ARHGEF3: variants seen among roughly 807,000 people sequenced by gnomAD.
ARHGEF3 encodes the protein Rho guanine nucleotide exchange factor 3, also known as 59.8 kDA protein.
In ARHGEF3, 28 loss-of-function variants were observed where a neutral mutation model predicts 63.2. The observed-to-expected ratio is 0.44, with a 90% CI of 0.33 to 0.61. The LOEUF (loss-of-function observed/expected upper bound fraction) is 0.61, where lower values mean the gene tolerates loss of function less well. ARHGEF3 is among the 20% of genes least tolerant of loss of function. The pLI, the probability that ARHGEF3 is intolerant of heterozygous loss-of-function variation, is 0.03. For missense variants in ARHGEF3, 533 were observed against 659.3 expected (o/e 0.81, Z 2.10); for synonymous variants, 266 against 254.2 (o/e 1.05, Z -0.44).
At chr3:57,046,947 A>G (rs1704478141) in intron 1 of ARHGEF3, among the ~76,000 whole-genome samples, 1 of 152,234 alleles carries the variant, frequency 6.6e-6, no homozygotes, top group South Asian at 2.1e-4. Context: ...ATGTGATTCC[A>G]TAATACCATA....
intron 1 of ARHGEF3, among the ~76,000 whole-genome samples, chr3:56,774,216 A>G (rs141430358): frequency 1.3e-5 from 2 of 152,242 alleles, no homozygotes; most frequent in African/African-American, 2.4e-5. Context: ...TCATCTCTTT[A>G]AAAACCTTTT....
chr3:57,008,718 C>A (rs955763891), intron 2 of ARHGEF3, among the ~76,000 whole-genome samples: 2 of 152,078 alleles, frequency 1.3e-5, no homozygotes, highest in African/African-American at 4.8e-5. Flanking sequence ...CTGATCCACC[C>A]ACCTCAGCCT....
rs1001283927 is a variant in ARHGEF3, at chr3:56,961,154, A to G, written c.63-2265T>C. 3.3e-5 allele frequency among the ~76,000 whole-genome samples: 4 copies of G among 119,616 alleles called. No homozygotes were observed. The Admixed American group carries it at 4.2e-4, about 13-fold the overall frequency. The allele number at this position is 119,616 out of a possible 152,430, so 78.5% of individuals were successfully genotyped here. The stretch of plus-strand genomic sequence containing the variant: ...AAGGTAGCTTATTATGTTATAATGT[A>G]AATACATGACATACAGACAGCATTA... On this transcript the variant is annotated intron_variant, in intron 2 of 12. Transcript: ENST00000338458.
At chr3:56,965,096 T>G (rs529860144) in intron 2 of ARHGEF3, among the ~76,000 whole-genome samples, 1 of 151,812 alleles carries the variant, frequency 6.6e-6, no homozygotes, top group African/African-American at 2.4e-5. Context: ...ACAAAAAAAA[T>G]TTTTTTTAAT....
intron 3 of ARHGEF3, among the ~76,000 whole-genome samples, chr3:56,937,604 T>A (rs1029959159): frequency 1.3e-5 from 2 of 152,200 alleles, no homozygotes; most frequent in African/African-American, 4.8e-5. Flanking sequence ...AAGGCAGACA[T>A]CCCTTCTCCC....
intron 3 of ARHGEF3, among the ~76,000 whole-genome samples, chr3:56,913,599 G>A (rs997591960): frequency 2.0e-5 from 3 of 152,128 alleles, no homozygotes; most frequent in Non-Finnish European, 4.4e-5. Flanking sequence ...ACAGTATGGC[G>A]GTTACTCAAA....
chr3:57,000,646 C>T lies in ARHGEF3; in HGVS notation c.62+34442G>A, dbSNP rs1043531921. Among the ~76,000 whole-genome samples, 6 of 152,176 alleles carry T rather than the reference C, an allele frequency of 3.9e-5. No homozygotes were observed. The South Asian group carries it at 1.2e-3, about 32-fold the overall frequency. On this transcript the variant is annotated intron_variant, in intron 2 of 12. Transcript: ENST00000338458. ...CTCCCGGGTTCAAGTGATTCTCCTGCCTCAGGCTCCAGAGTAGCTGGGACT... is the reference window on the plus strand; with the variant it reads ...CTCCCGGGTTCAAGTGATTCTCCTGTCTCAGGCTCCAGAGTAGCTGGGACT...
At chr3:56,733,914 G>A (rs1044536091) in intron 8 of ARHGEF3, among the ~76,000 whole-genome samples, 1 of 150,714 alleles carries the variant, frequency 6.6e-6, no homozygotes, top group African/African-American at 2.4e-5. Context: ...AACCCAGGAG[G>A]TGGAGGTTGC....
At chr3:56,844,518 TAAAAC>T (rs1211075677) in intron 4 of ARHGEF3, among the ~76,000 whole-genome samples, 1 of 152,016 alleles carries the variant, frequency 6.6e-6, no homozygotes, top group African/African-American at 2.4e-5. Flanking sequence ...TTTAATAAAA[TAAAAC>T]AAAATTAAAA....
At position 56,928,074 on chromosome 3, in the gene ARHGEF3, G is replaced by A. The variant is rs2042320701; in HGVS notation, c.129+30749C>T. On this transcript the variant is annotated intron_variant, in intron 3 of 12. Coordinates refer to the ARHGEF3 transcript ENST00000338458. Reference sequence around the variant, plus strand: ...TCTGCAGACACATGCAGCATGAGAAGGATGCACCAAAGCTCTTCAGAGCAG... The same window carrying A: ...TCTGCAGACACATGCAGCATGAGAAAGATGCACCAAAGCTCTTCAGAGCAG... Among the ~76,000 whole-genome samples, 3 of 152,152 alleles carry A rather than the reference G, an allele frequency of 2.0e-5. No individual in the cohort carries two copies. In the South Asian group the frequency reaches 6.2e-4, roughly 32 times the overall value.
chr3:57,018,850 G>A (rs1389101610), intron 2 of ARHGEF3, among the ~76,000 whole-genome samples: 1 of 152,142 alleles, frequency 6.6e-6, no homozygotes, highest in Non-Finnish European at 1.5e-5. Context: ...TGAAGACATC[G>A]AGCTTCAGGG....
At chr3:56,981,775 G>A (rs898251278) in intron 2 of ARHGEF3, among the ~76,000 whole-genome samples, 1 of 152,198 alleles carries the variant, frequency 6.6e-6, no homozygotes, top group East Asian at 1.9e-4. Context: ...CCTGTTTTCA[G>A]GCTGTTTTTT....
At chr3:56,765,749 T>C (rs940824056) in intron 2 of ARHGEF3, among the ~76,000 whole-genome samples, 3 of 152,150 alleles carry the variant, frequency 2.0e-5, no homozygotes, top group African/African-American at 7.2e-5. Context: ...CTCAGGCCAT[T>C]GCTAAACTCT....
Position 56,729,312 on chromosome 3 carries a change from G to A in ARHGEF3, c.1539C>T (p.Asp513=), listed in dbSNP as rs751284919. ...CGTGCCTGCTGTTTCCACAGGAAGA[G>A]TCTGTCTGTTCCATGCGCTCACAGT... is the stretch of plus-strand genomic sequence containing the variant. The part of the protein sequence containing the change: ...SLDCERMEQT[D]SSCGNSRHGE... Residue 513 remains aspartate, a synonymous_variant, in exon 10 of 10, where the codon GAC becomes GAT. Transcript: ENST00000296315. The A allele has an allele frequency of 9.3e-6, 15 of 1,613,954 alleles. No homozygotes were observed. The highest frequency in any genetic ancestry group is 1.1e-5 in the South Asian group (1 of 91,066).
In ARHGEF3 at chr3:56,844,425, T is replaced by C. The variant is rs183995036; in HGVS notation, c.192+37867A>G. Among the ~76,000 whole-genome samples the C allele has an allele frequency of 3.7e-3, 571 of 152,324 alleles. 5 individuals carry two copies. Among genetic ancestry groups the C allele is most frequent in the African/African-American group, 0.013 (537 of 41,566 alleles). ...AAAACTAAGCATATTGTCTGGAATC[T>C]TGTCTGCCTCTGTTAATTTTCCTCA... is the stretch of plus-strand genomic sequence containing the variant. On this transcript the variant is annotated intron_variant, in intron 4 of 12. Transcript: ENST00000338458.
intron 3 of ARHGEF3, among the ~76,000 whole-genome samples, chr3:56,897,988 T>A (rs563520134): frequency 1.3e-5 from 2 of 150,844 alleles, no homozygotes; most frequent in African/African-American, 4.9e-5. Context: ...CAACTGATTC[T>A]CCCACCTTGG....
intron 2 of ARHGEF3, among the ~76,000 whole-genome samples, chr3:56,977,105 G>T (rs1339151997): frequency 6.6e-6 from 1 of 152,120 alleles, no homozygotes; most frequent in Non-Finnish European, 1.5e-5. Context: ...TGAGAGCTTA[G>T]ATTTAGAAAT....
intron 4 of ARHGEF3, among the ~76,000 whole-genome samples, chr3:56,860,727 AC>A (rs2040044950): frequency 6.6e-6 from 1 of 152,056 alleles, no homozygotes; most frequent in Non-Finnish European, 1.5e-5. Context: ...AAGTTTAGAG[AC>A]CCCATGGAAG....
chr3:56,844,504 A>G (rs1487749845), intron 4 of ARHGEF3, among the ~76,000 whole-genome samples: 2 of 152,230 alleles, frequency 1.3e-5, no homozygotes, highest in Admixed American at 1.3e-4. Flanking sequence ...TAAAGAAGAT[A>G]ATATTTAATA....
Sources: allele counts gnomAD v4.1 joint callset (sites outside exome capture counted in the v4.1 genomes callset), GRCh38; gene constraint gnomAD v4.1.1; transcripts MANE v1.5; gene names NCBI Gene and HGNC (gene_info 2026-07-23, HGNC 2026-07-21).